The following THSD7A variants were observed in gnomAD, a reference collection of about 807,000 sequenced individuals.
The protein encoded by THSD7A is thrombospondin type 1 domain containing 7A.
THSD7A carries 96 observed loss-of-function variants against 231.3 expected under a neutral mutation model. The observed-to-expected ratio is 0.41, with a 90% CI of 0.35 to 0.49. The LOEUF is 0.49. THSD7A is among the 20% of genes least tolerant of loss of function. The pLI is 0.05. For synonymous variants in THSD7A, 940 were observed against 743.3 expected, an observed-to-expected ratio of 1.26 and a Z score of -4.30; for missense variants, 2,290 against 2,070.2, an observed-to-expected ratio of 1.11 and a Z score of -2.06.
Position 11,723,008 on chromosome 7 carries a change from C to T in THSD7A, c.191-86047G>A, listed in dbSNP as rs570286649. Among the ~76,000 whole-genome samples the T allele has an allele frequency of 2.7e-3, 406 of 152,010 alleles. 1 individual carries two copies. The highest frequency in any genetic ancestry group is 9.1e-3 in the African/African-American group (379 of 41,488). ...ACCCAAAGGATTATAAATCATGCTG[C>T]TATAAAGACACATGCACACGTATGT... On this transcript the variant is annotated intron_variant, in intron 1 of 27. Coordinates refer to ENST00000423059, the MANE Select transcript of THSD7A (RefSeq NM_015204.3).
chr7:11,645,900 G>C (rs1782260103), intron 1 of THSD7A, among the ~76,000 whole-genome samples: 1 of 151,770 alleles, frequency 6.6e-6, no homozygotes, highest in Non-Finnish European at 1.5e-5. Context: ...GGTTTCTTTG[G>C]ATGCAGTTAA....
rs375031089 is a variant in THSD7A at position 11,412,652 on chromosome 7, G to A, written c.3682+4C>T. 3 of 1,613,622 alleles carry A rather than the reference G, an allele frequency of 1.9e-6. No individual in the cohort carries two copies. Among genetic ancestry groups the A allele is most frequent in the East Asian group, 2.2e-5 (1 of 44,856 alleles). On this transcript the variant is annotated splice_donor_region_variant and intron_variant, in intron 18 of 27. Transcript: ENST00000423059. ...ACTCCGTGATCAGATGATGATCCAT[G>A]TACCTGTTACATTATAATCATAGTG...
At chr7:11,787,465 G>A (rs891487479) in intron 1 of THSD7A, among the ~76,000 whole-genome samples, 12 of 151,962 alleles carry the variant, frequency 7.9e-5, no homozygotes, top group Admixed American at 7.2e-4. Flanking sequence ...AAAAGAATGA[G>A]AAGACAAGCC....
chr7:11,607,828 G>C (rs1780782892), intron 2 of THSD7A, among the ~76,000 whole-genome samples: 1 of 152,044 alleles, frequency 6.6e-6, no homozygotes, highest in Admixed American at 6.6e-5. Context: ...AAAATCTTTT[G>C]TTGAGCTGCT....
chr7:11,428,868 C>T, intron 14 of THSD7A, 79 bp downstream of exon 14: 1 of 1,478,626 alleles, frequency 6.8e-7, no homozygotes, highest in Non-Finnish European at 9.1e-7. Flanking sequence ...GCTATTATTT[C>T]CTCTTCTCCA....
At chr7:11,528,715 T>C (rs1045952697) in intron 6 of THSD7A, among the ~76,000 whole-genome samples, 14 of 152,136 alleles carry the variant, frequency 9.2e-5, no homozygotes, top group Non-Finnish European at 1.9e-4. Flanking sequence ...TGCACTGTAT[T>C]AATCTTGTAG....
chr7:11,632,213 C>A lies in THSD7A; in HGVS notation c.1022+3917G>T, dbSNP rs1310478169. On this transcript the variant is annotated intron_variant, in intron 2 of 27. Transcript: ENST00000423059. The surrounding 1 kb of genome is among the most constrained non-coding windows in gnomAD (Gnocchi z 4.1). ...TTTTCCCTTATAAATTTCACAGTAA[C>A]AATGTACAGTTGGTATATTTACTAA... Among the ~76,000 whole-genome samples, 2 of 152,158 alleles carry A rather than the reference C, an allele frequency of 1.3e-5. No individual in the cohort carries two copies. The highest frequency in any genetic ancestry group is 3.9e-4 in the East Asian group (2 of 5,178).
At chr7:11,554,174 G>A (rs952351554) in intron 4 of THSD7A, among the ~76,000 whole-genome samples, 3 of 151,938 alleles carry the variant, frequency 2.0e-5, no homozygotes, top group African/African-American at 4.8e-5. Flanking sequence ...CAGAATCTCA[G>A]AATATATCCT....
At chr7:11,417,353 A>T in intron 17 of THSD7A, 97 bp downstream of exon 17, 1 of 1,196,496 alleles carries the variant, frequency 8.4e-7, no homozygotes, top group Non-Finnish European at 1.1e-6. Context: ...AACAGATTTT[A>T]CATTGAAGTT....
intron 1 of THSD7A, among the ~76,000 whole-genome samples, chr7:11,688,505 A>G (rs1463372446): frequency 6.6e-6 from 1 of 151,888 alleles, no homozygotes; most frequent in Non-Finnish European, 1.5e-5. Context: ...ATGGGGGAAC[A>G]AAAGGATGTT....
At position 11,413,399 on chromosome 7, in the gene THSD7A, G is replaced by A. The variant is rs544850697; in HGVS notation, c.3538-599C>T. Among the ~76,000 whole-genome samples the A allele has an allele frequency of 5.9e-5, 9 of 151,668 alleles. No homozygotes were observed. The South Asian group carries it at 6.3e-4, about 11-fold the overall frequency. On this transcript the variant is annotated intron_variant, in intron 17 of 27. Transcript: ENST00000423059. ...AAAACTGAGTTCTCGGCCTTTAGGCGTTCTTCCGTAAGGGTTATACAGAAA... is the reference window on the plus strand; with the variant it reads ...AAAACTGAGTTCTCGGCCTTTAGGCATTCTTCCGTAAGGGTTATACAGAAA...
At chr7:11,490,183 G>A (rs1247014457) in intron 6 of THSD7A, among the ~76,000 whole-genome samples, 2 of 152,116 alleles carry the variant, frequency 1.3e-5, no homozygotes, top group Non-Finnish European at 1.5e-5. Context: ...TCCAGCCCAG[G>A]CTTTGTTGTA....
intron 1 of THSD7A, among the ~76,000 whole-genome samples, chr7:11,641,484 G>C (rs1287544734): frequency 6.6e-6 from 1 of 152,048 alleles, no homozygotes; most frequent in African/African-American, 2.4e-5. Context: ...AGATAACTAA[G>C]AAAAGCATAT....
At position 11,759,082 on chromosome 7, in the gene THSD7A, G is replaced by A. The variant is rs146884400; in HGVS notation, c.190+72675C>T. 6.6e-3 allele frequency among the ~76,000 whole-genome samples: 1,009 copies of A among 151,976 alleles called. 6 individuals are homozygous for A. The highest frequency in any genetic ancestry group is 0.012 in the Admixed American group (184 of 15,216). Reference sequence around the variant, plus strand: ...CTCTGGAGAAAATAAGCCAAAAGACGTCAAAGAATTCCAATAGCTAATGTT... The same window carrying A: ...CTCTGGAGAAAATAAGCCAAAAGACATCAAAGAATTCCAATAGCTAATGTT... On this transcript the variant is annotated intron_variant, in intron 1 of 27. Coordinates refer to ENST00000423059, the MANE Select transcript of THSD7A (RefSeq NM_015204.3).
chr7:11,798,715 T>C (rs1229528110), intron 1 of THSD7A, among the ~76,000 whole-genome samples: 3 of 152,184 alleles, frequency 2.0e-5, no homozygotes, highest in Non-Finnish European at 4.4e-5. Flanking sequence ...ATCTAACTGA[T>C]GATTCAGATG....
intron 6 of THSD7A, among the ~76,000 whole-genome samples, chr7:11,483,686 C>G (rs1786525065): frequency 6.6e-6 from 1 of 152,086 alleles, no homozygotes. Flanking sequence ...GGGGTGCTCT[C>G]TTATATCTTA....
At chr7:11,635,063 T>G (rs897567999) in intron 2 of THSD7A, among the ~76,000 whole-genome samples, 2 of 152,134 alleles carry the variant, frequency 1.3e-5, no homozygotes, top group African/African-American at 4.8e-5. Flanking sequence ...AACATGCAAA[T>G]GTGGTCTGTT....
intron 1 of THSD7A, among the ~76,000 whole-genome samples, chr7:11,684,568 G>A (rs530044224): frequency 6.6e-6 from 1 of 151,878 alleles, no homozygotes; most frequent in Admixed American, 6.6e-5. Flanking sequence ...TACAAAATTA[G>A]TAACATTTCT....
chr7:11,673,250 C>T (rs1419436382), intron 1 of THSD7A, among the ~76,000 whole-genome samples: 1 of 152,102 alleles, frequency 6.6e-6, no homozygotes, highest in South Asian at 2.1e-4. Context: ...CTGTTGTGGA[C>T]ACCTGATATC....
Sources: allele counts gnomAD v4.1 joint callset (sites outside exome capture counted in the v4.1 genomes callset), GRCh38; gene constraint gnomAD v4.1.1; non-coding constraint Gnocchi (gnomAD v3.1); transcripts MANE v1.5; gene names NCBI Gene and HGNC (gene_info 2026-07-23, HGNC 2026-07-21).